Variants in ZFHX3 observed in about 807,000 individuals in gnomAD.
ZFHX3 encodes zinc finger homeobox protein 3.
ZFHX3 carries 42 observed loss-of-function variants against 279.1 expected under a neutral mutation model. That is an observed-to-expected ratio of 0.15 (90% CI 0.12 to 0.19). The LOEUF (loss-of-function observed/expected upper bound fraction) is 0.19. Among genes scored for constraint, ZFHX3 ranks in the 10% least tolerant of loss-of-function variants. The pLI is 1.00. For synonymous variants in ZFHX3, 2,293 were observed against 1,957.8 expected (o/e 1.17, Z -4.52); for missense variants, 4,981 against 4,754.0 (o/e 1.05, Z -1.40).
intron 4 of ZFHX3, among the ~76,000 whole-genome samples, chr16:73,277,015 G>T (rs1440374994): frequency 6.6e-6 from 1 of 152,204 alleles, no homozygotes; most frequent in Non-Finnish European, 1.5e-5. Flanking sequence ...CAGAAACTGA[G>T]AAACTGGTTA....
At chr16:72,826,941 C>T (rs923398680) in intron 5 of ZFHX3, among the ~76,000 whole-genome samples, 1 of 152,156 alleles carries the variant, frequency 6.6e-6, no homozygotes, top group African/African-American at 2.4e-5. Flanking sequence ...CCCAATGAAT[C>T]AGAAACACTC....
intron 2 of ZFHX3, among the ~76,000 whole-genome samples, chr16:73,588,022 A>G (rs2051945387): frequency 6.6e-6 from 1 of 152,230 alleles, no homozygotes; most frequent in Admixed American, 6.5e-5. Context: ...TAAAGCAAAT[A>G]TCAGCAAATT....
intron 3 of ZFHX3, among the ~76,000 whole-genome samples, chr16:73,356,598 G>T (rs1467728686): frequency 2.0e-5 from 3 of 152,002 alleles, no homozygotes; most frequent in African/African-American, 4.8e-5. Flanking sequence ...CTTACAAGCT[G>T]AGCGACCTTG....
At position 72,959,997 on chromosome 16, in the gene ZFHX3, A is replaced by G. The variant is rs139894877; in HGVS notation, c.149T>C (p.Leu50Ser). 3.7e-6 allele frequency: 6 copies of G among 1,613,638 alleles called. No individual in the cohort carries two copies. The African/African-American group carries it at 5.3e-5, about 14-fold the overall frequency. ...ATTGAAGGGGGCCCTCAGGCTGTCC[A>G]AGGGCCCGTGGCTCTCGCCTGTGGA... The part of the protein sequence containing the change: ...EQSTGESHGP[L>S]DSLRAPFNER... Residue 50 changes from leucine (L) to serine (S), a missense_variant, in exon 2 of 10, where the codon TTG (leucine) becomes TCG (serine). This residue lies in a region of ZFHX3 where 1,068 missense variants were observed against 935.2 expected (regional missense o/e 1.14). Transcript: ENST00000268489.
chr16:73,211,559 T>C (rs2012018271), intron 5 of ZFHX3, among the ~76,000 whole-genome samples: 1 of 152,142 alleles, frequency 6.6e-6, no homozygotes, highest in Non-Finnish European at 1.5e-5. Flanking sequence ...TCCTGCTAGA[T>C]ACCAGTGAGG....
At chr16:73,507,075 T>G (rs764693200) in intron 2 of ZFHX3, among the ~76,000 whole-genome samples, 1 of 152,202 alleles carries the variant, frequency 6.6e-6, no homozygotes, top group Non-Finnish European at 1.5e-5. Context: ...ACTGACACTC[T>G]TGGGACGTAT....
chr16:73,067,676 A>G (rs1965772619), intron 8 of ZFHX3, among the ~76,000 whole-genome samples: 1 of 152,184 alleles, frequency 6.6e-6, no homozygotes, highest in African/African-American at 2.4e-5. Flanking sequence ...AACTGCATTC[A>G]TCCCTTGTCC....
chr16:73,535,808 C>T (rs1278649455), intron 2 of ZFHX3, among the ~76,000 whole-genome samples: 1 of 148,156 alleles, frequency 6.7e-6, no homozygotes, highest in Non-Finnish European at 1.5e-5. Context: ...CTGCAACCTC[C>T]ACCTCCTGGG....
intron 1 of ZFHX3, among the ~76,000 whole-genome samples, chr16:73,016,699 C>T (rs1964113889): frequency 6.6e-6 from 1 of 152,002 alleles, no homozygotes; most frequent in African/African-American, 2.4e-5. Context: ...CCAGTAATTT[C>T]CTCCTCTTCT....
intron 1 of ZFHX3, among the ~76,000 whole-genome samples, chr16:73,749,949 C>T (rs1175129750): frequency 1.3e-5 from 2 of 152,196 alleles, no homozygotes; most frequent in Non-Finnish European, 2.9e-5. Context: ...CCAAACCATA[C>T]TTACTAGCCT....
intron 1 of ZFHX3, among the ~76,000 whole-genome samples, chr16:73,823,811 G>A (rs1345886555): frequency 1.3e-5 from 2 of 152,174 alleles, no homozygotes; most frequent in South Asian, 2.1e-4. Context: ...GTATGCCAGC[G>A]CCTCCTGCCT....
At chr16:73,023,276 C>A (rs1332542399) in intron 1 of ZFHX3, among the ~76,000 whole-genome samples, 1 of 152,178 alleles carries the variant, frequency 6.6e-6, no homozygotes, top group Non-Finnish European at 1.5e-5. Flanking sequence ...GAACAAAACA[C>A]ATCTACAGGC....
intron 2 of ZFHX3, among the ~76,000 whole-genome samples, chr16:73,671,559 T>C (rs1199787254): frequency 6.6e-6 from 1 of 152,236 alleles, no homozygotes. Context: ...ATTAACAAAT[T>C]GGTTTTATTT....
chr16:72,939,519 A>G (rs567558241), intron 3 of ZFHX3, among the ~76,000 whole-genome samples: 216 of 152,210 alleles, frequency 1.4e-3, no homozygotes, highest in African/African-American at 5.0e-3. Flanking sequence ...AGTGACACAG[A>G]CTCGCTCCCA....
chr16:73,178,157 C>CTT (rs967804242), intron 5 of ZFHX3, among the ~76,000 whole-genome samples: 2 of 148,776 alleles, frequency 1.3e-5, no homozygotes, highest in African/African-American at 4.9e-5. Flanking sequence ...ATGACTTTTT[C>CTT]TTTTTTTTTT....
chr16:73,597,763 G>C (rs915843083), intron 2 of ZFHX3, among the ~76,000 whole-genome samples: 1 of 152,098 alleles, frequency 6.6e-6, no homozygotes, highest in Non-Finnish European at 1.5e-5. Flanking sequence ...CTTGATTTCA[G>C]ACTTCTAGAC....
intron 2 of ZFHX3, among the ~76,000 whole-genome samples, chr16:73,514,065 C>G (rs182475457): frequency 6.6e-6 from 1 of 151,966 alleles, no homozygotes; most frequent in African/African-American, 2.4e-5. Flanking sequence ...TGGCTAACAC[C>G]GTGAAACCCT....
chr16:73,274,533 G>T (rs2014240214), intron 4 of ZFHX3, among the ~76,000 whole-genome samples: 1 of 152,100 alleles, frequency 6.6e-6, no homozygotes. Flanking sequence ...GTTTATTGAT[G>T]TCACTTTATT....
intron 2 of ZFHX3, among the ~76,000 whole-genome samples, chr16:73,517,153 C>T (rs923482383): frequency 6.6e-6 from 1 of 152,146 alleles, no homozygotes; most frequent in African/African-American, 2.4e-5. Context: ...AAGTGATAAC[C>T]TCCAAAGCGC....
Sources: allele counts gnomAD v4.1 joint callset (sites outside exome capture counted in the v4.1 genomes callset), GRCh38; gene constraint gnomAD v4.1.1; regional missense constraint gnomAD v4.1.1; transcripts MANE v1.5; gene names NCBI Gene and HGNC (gene_info 2026-07-23, HGNC 2026-07-21).